Variants in LAP3 observed in about 807,000 individuals in gnomAD.
LAP3 encodes the protein cytosol aminopeptidase.
LAP3 carries 46 observed loss-of-function variants against 58.8 expected under a neutral mutation model. That is an observed-to-expected ratio of 0.78 (90% CI 0.62 to 1.00). The LOEUF (loss-of-function observed/expected upper bound fraction) is 1.00, where lower values mean the gene tolerates loss of function less well. Ranked by LOEUF, LAP3 falls within the 50% of genes least tolerant of loss-of-function variation. The pLI is 0.00. For synonymous variants in LAP3, 257 were observed against 237.7 expected (o/e 1.08, Z -0.75); for missense variants, 615 against 659.1 (o/e 0.93, Z 0.73).
chr4:17,581,715 C>T (rs758454764), intron 2 of LAP3, 45 bp from the exon 3 acceptor site: 102 of 1,524,258 alleles, frequency 6.7e-5, no homozygotes, highest in Non-Finnish European at 9.2e-5. Context: ...CCAAGTGAAC[C>T]GAGCAAAATA....
intron 6 of LAP3, 78 bp downstream of exon 6, chr4:17,585,214 A>T: frequency 8.1e-7 from 1 of 1,231,804 alleles, no homozygotes; most frequent in Non-Finnish European, 1.2e-6. Context: ...CAGCTCCCTC[A>T]CTTTTTAGAG....
intron 9 of LAP3, 34 bp downstream of exon 9, chr4:17,597,168 A>G (rs1320903447): frequency 6.4e-7 from 1 of 1,563,914 alleles, no homozygotes; most frequent in Non-Finnish European, 8.8e-7. Flanking sequence ...CTCCCCATCC[A>G]GCGTTCCTCA....
chr4:17,596,968 AC>A, intron 8 of LAP3, 77 bp from the exon 9 acceptor site: 1 of 1,312,516 alleles, frequency 7.6e-7, no homozygotes, highest in South Asian at 1.2e-5. Context: ...CTCATGGCTC[AC>A]AGGTGGCCTC....
chr4:17,600,701 C>T (rs1713962162), intron 10 of LAP3, among the ~76,000 whole-genome samples: 1 of 152,118 alleles, frequency 6.6e-6, no homozygotes, highest in Non-Finnish European at 1.5e-5. Flanking sequence ...CTACTGAGCC[C>T]CTTCTGAGTT....
In LAP3 at chr4:17,581,827, C is replaced by T. The variant is rs763054968; in HGVS notation, c.273+13C>T. The T allele has an allele frequency of 7.5e-6, 12 of 1,610,062 alleles. No homozygotes were observed. The highest frequency in any genetic ancestry group is 4.4e-5 in the South Asian group (4 of 90,936). ...TGGTCTGCATCAGGTATGAGAAGAA[C>T]GTGATCATTTGGTAAACCCTCAATG... On this transcript the variant is annotated intron_variant, in intron 3 of 12. Transcript: ENST00000226299.
At chr4:17,590,003 A>G (rs1404388002) in intron 7 of LAP3, among the ~76,000 whole-genome samples, 1 of 152,202 alleles carries the variant, frequency 6.6e-6, no homozygotes, top group African/African-American at 2.4e-5. Flanking sequence ...ACTGAGAAAG[A>G]TAGTGGAGTT....
Position 17,599,820 on chromosome 4 carries a change from C to T in LAP3, c.1180+1262C>T, listed in dbSNP as rs183464667. On this transcript the variant is annotated intron_variant, in intron 10 of 12. Coordinates refer to ENST00000226299, the MANE Select transcript of LAP3 (RefSeq NM_015907.3). ...CAAGTGACACAGTGTGAAGCCAGCG[C>T]TTTAAGGCCAGGCTCAGGTGGAACT... Among the ~76,000 whole-genome samples, 530 of 152,076 alleles carry T rather than the reference C, an allele frequency of 3.5e-3. 2 individuals are homozygous for T. Among genetic ancestry groups the T allele is most frequent in the African/African-American group, 0.012 (495 of 41,478 alleles).
At chr4:17,594,199 T>C (rs951811430) in intron 7 of LAP3, among the ~76,000 whole-genome samples, 1 of 151,854 alleles carries the variant, frequency 6.6e-6, no homozygotes, top group African/African-American at 2.4e-5. Context: ...ACCATAGTCA[T>C]AGGAATTAGA....
intron 8 of LAP3, among the ~76,000 whole-genome samples, chr4:17,596,019 A>G (rs548582631): frequency 6.6e-6 from 1 of 152,214 alleles, no homozygotes; most frequent in African/African-American, 2.4e-5. Flanking sequence ...AGCATTGCTC[A>G]TACTCATTTC....
chr4:17,606,935 A>G lies in LAP3; in HGVS notation c.1367A>G (p.Tyr456Cys). ...GCTGATGTTAACAACATTGGAAAATACAGGTATGTAAGCTAAGCTAAATGT... is the reference window on the plus strand; with the variant it reads ...GCTGATGTTAACAACATTGGAAAATGCAGGTATGTAAGCTAAGCTAAATGT... Reference protein sequence around the residue: ...QLADVNNIGKYRSAGACTAAA... With the variant: ...QLADVNNIGKCRSAGACTAAA... The change falls in exon 12 of 13, where the codon TAC becomes TGC. Residue 456 changes from tyrosine (Y) to cysteine (C), a missense_variant. Transcript: ENST00000226299. 1 of 1,587,778 alleles carries G rather than the reference A, an allele frequency of 6.3e-7. No individual in the cohort carries two copies. The highest frequency in any genetic ancestry group is 8.6e-7 in the Non-Finnish European group (1 of 1,157,432).
In LAP3 at chr4:17,607,905, G is replaced by A; in HGVS notation, c.*316G>A. 4.9e-6 allele frequency: 1 copy of A among 202,308 alleles called. No individual in the cohort carries two copies. The highest frequency in any genetic ancestry group is 1.0e-5 in the Non-Finnish European group (1 of 99,842). 12.5% of individuals were successfully genotyped at this position (202,308 alleles called of 1,614,324 possible). On this transcript the variant is annotated 3_prime_UTR_variant, in exon 13 of 13. Coordinates refer to ENST00000226299, the MANE Select transcript of LAP3 (RefSeq NM_015907.3). ...ATTGTAACTCAGATTTGTGATGCTA[G>A]GAACATGAGCAAACTGAAAATTACT...
At chr4:17,605,696 ATCT>A (rs1325560507) in intron 11 of LAP3, among the ~76,000 whole-genome samples, 1 of 152,058 alleles carries the variant, frequency 6.6e-6, no homozygotes, top group Non-Finnish European at 1.5e-5. Flanking sequence ...CAGCCCCATC[ATCT>A]TCTTCCAGGC....
chr4:17,600,901 T>G (rs1713968195), intron 10 of LAP3, among the ~76,000 whole-genome samples: 1 of 152,206 alleles, frequency 6.6e-6, no homozygotes, highest in African/African-American at 2.4e-5. Context: ...AGCACCTCGT[T>G]CACAGGAAGG....
At chr4:17,596,857 A>G (rs1713842565) in intron 8 of LAP3, among the ~76,000 whole-genome samples, 189 bp from the exon 9 acceptor site, 3 of 152,206 alleles carry the variant, frequency 2.0e-5, no homozygotes, top group African/African-American at 4.8e-5. Context: ...AGAATGCTAC[A>G]TGGGTGATGT....
chr4:17,595,376 C>G lies in LAP3; in HGVS notation c.864-34C>G, dbSNP rs560278517. 18 of 1,608,250 alleles carry G rather than the reference C, an allele frequency of 1.1e-5. No individual in the cohort carries two copies. In the African/African-American group the frequency reaches 2.0e-4, roughly 18 times the overall value. On this transcript the variant is annotated intron_variant, in intron 7 of 12. Transcript: ENST00000226299. Reference sequence around the variant, plus strand: ...AAAGTGATTTTGGCCATCTTCTTTGCTCTTAATATTGCACGTTGTCCATTT... The same window carrying G: ...AAAGTGATTTTGGCCATCTTCTTTGGTCTTAATATTGCACGTTGTCCATTT...
intron 5 of LAP3, 40 bp downstream of exon 5, chr4:17,583,682 C>A: frequency 1.2e-6 from 2 of 1,609,484 alleles, no homozygotes; most frequent in Non-Finnish European, 1.7e-6. Context: ...TGCTCCCTGG[C>A]GTTCTGACAG....
chr4:17,597,321 G>A (rs546876623), intron 9 of LAP3, among the ~76,000 whole-genome samples, 187 bp downstream of exon 9: 4 of 152,300 alleles, frequency 2.6e-5, no homozygotes, highest in East Asian at 1.9e-4. Context: ...CATCACCCAG[G>A]CTGTAGTGCA....
At chr4:17,596,228 C>G (rs1713826330) in intron 8 of LAP3, among the ~76,000 whole-genome samples, 1 of 152,120 alleles carries the variant, frequency 6.6e-6, no homozygotes, top group Admixed American at 6.6e-5. Flanking sequence ...AAAGGACATT[C>G]TATGTAATGA....
In LAP3 at chr4:17,607,634, T is replaced by A. The variant is rs1209560521; in HGVS notation, c.*45T>A. On this transcript the variant is annotated 3_prime_UTR_variant, in exon 13 of 13. Coordinates refer to ENST00000226299, the MANE Select transcript of LAP3 (RefSeq NM_015907.3). Reference sequence around the variant, plus strand: ...CTTCACTCTGTCTTAAATTGGACAGTTGAACTTAAAAGGTTTTTGAATAAA... The same window carrying A: ...CTTCACTCTGTCTTAAATTGGACAGATGAACTTAAAAGGTTTTTGAATAAA... 1 of 1,407,004 alleles carries A rather than the reference T, an allele frequency of 7.1e-7. No individual in the cohort carries two copies. Among genetic ancestry groups the A allele is most frequent in the African/African-American group, 1.4e-5 (1 of 69,338 alleles). The allele number at this position is 1,407,004 out of a possible 1,614,324, so 87.2% of individuals were successfully genotyped here.
Sources: allele counts gnomAD v4.1 joint callset (sites outside exome capture counted in the v4.1 genomes callset), GRCh38; gene constraint gnomAD v4.1.1; transcripts MANE v1.5; gene names NCBI Gene and HGNC (gene_info 2026-07-23, HGNC 2026-07-21).